Variants in ZFPM2 observed in about 807,000 individuals in gnomAD.
ZFPM2 encodes the protein zinc finger protein, FOG family member 2.
ZFPM2 carries 20 observed loss-of-function variants against 98.6 expected under a neutral mutation model. The ratio of observed to expected loss-of-function variants is 0.20; its 90% confidence interval spans 0.14 to 0.29. ZFPM2 has a LOEUF of 0.29. Ranked by LOEUF, ZFPM2 falls within the 10% of genes least tolerant of loss-of-function variation. ZFPM2 has a pLI of 1.00. For synonymous variants in ZFPM2, 518 were observed against 502.7 expected (o/e 1.03, Z -0.41); for missense variants, 1,310 against 1,388.6 (o/e 0.94, Z 0.90).
At chr8:105,345,536 G>T (rs1812507553) in intron 1 of ZFPM2, among the ~76,000 whole-genome samples, 1 of 148,732 alleles carries the variant, frequency 6.7e-6, no homozygotes, top group Admixed American at 6.9e-5. Context: ...CTACCATCAA[G>T]GGAAGTTCAT....
intron 5 of ZFPM2, among the ~76,000 whole-genome samples, chr8:105,729,385 T>A (rs186218735): frequency 1.3e-5 from 2 of 151,706 alleles, no homozygotes; most frequent in African/African-American, 2.4e-5. Context: ...GTGTGTCTTT[T>A]TTTTTGGCTT....
intron 1 of ZFPM2, among the ~76,000 whole-genome samples, chr8:105,350,297 G>T (rs1214727691): frequency 6.6e-6 from 1 of 152,108 alleles, no homozygotes; most frequent in Non-Finnish European, 1.5e-5. Flanking sequence ...GTGCAGAAAT[G>T]ATTTCCTTGG....
chr8:105,678,045 A>G (rs1290370182), intron 5 of ZFPM2, among the ~76,000 whole-genome samples: 1 of 152,036 alleles, frequency 6.6e-6, no homozygotes, highest in Non-Finnish European at 1.5e-5. Flanking sequence ...TACCTGGATT[A>G]TTTACCATTG....
chr8:105,452,830 C>T (rs907802741), intron 3 of ZFPM2, among the ~76,000 whole-genome samples: 1 of 151,982 alleles, frequency 6.6e-6, no homozygotes, highest in African/African-American at 2.4e-5. Context: ...TTATATTGGA[C>T]CAGAGATTAT....
intron 3 of ZFPM2, among the ~76,000 whole-genome samples, chr8:105,480,066 A>T (rs1813085341): frequency 6.6e-6 from 1 of 152,172 alleles, no homozygotes; most frequent in South Asian, 2.1e-4. Flanking sequence ...TGCTGTGATA[A>T]TCTTTTGAGA....
rs139105567 is a variant in ZFPM2, at chr8:105,351,354, C to CGTGTGTGTGTGTGT, written c.40+32388_40+32401dup. Among the ~76,000 whole-genome samples, 455 of 144,836 alleles carry CGTGTGTGTGTGTGT rather than the reference C, an allele frequency of 3.1e-3. 4 individuals are homozygous for CGTGTGTGTGTGTGT. The highest frequency in any genetic ancestry group is 0.011 in the African/African-American group (416 of 38,302). On this transcript the variant is annotated intron_variant, in intron 1 of 7. Transcript: ENST00000407775. ...GTTCTCTTTTATAGTTGCATTATTT[C>CGTGTGTGTGTGTGT]GTGTGTGTGTGTGTGTGTGTGTGTG...
intron 5 of ZFPM2, among the ~76,000 whole-genome samples, chr8:105,656,962 C>A (rs1817297863): frequency 6.6e-6 from 1 of 152,088 alleles, no homozygotes; most frequent in Non-Finnish European, 1.5e-5. Flanking sequence ...TGAATAAATG[C>A]ATGCTTTGGT....
At chr8:105,365,048 C>T (rs1461491101) in intron 1 of ZFPM2, among the ~76,000 whole-genome samples, 1 of 152,136 alleles carries the variant, frequency 6.6e-6, no homozygotes, top group East Asian at 1.9e-4. Flanking sequence ...TTCCTTATTA[C>T]TCACTCTGAT....
intron 1 of ZFPM2, among the ~76,000 whole-genome samples, chr8:105,374,125 C>T (rs960993169): frequency 6.6e-6 from 1 of 152,140 alleles, no homozygotes; most frequent in African/African-American, 2.4e-5. Context: ...TACTATCTCT[C>T]AATTCAGTAA....
chr8:105,335,873 A>G (rs1435906860), intron 1 of ZFPM2, among the ~76,000 whole-genome samples: 1 of 151,806 alleles, frequency 6.6e-6, no homozygotes, highest in African/African-American at 2.4e-5. Flanking sequence ...ATTCTGATCA[A>G]ATGGTGCTGC....
chr8:105,506,589 A>G (rs7016378), intron 3 of ZFPM2, among the ~76,000 whole-genome samples: 1 of 152,108 alleles, frequency 6.6e-6, no homozygotes, highest in Non-Finnish European at 1.5e-5. Flanking sequence ...AATGACATTA[A>G]ATAAAATTGC....
intron 5 of ZFPM2, among the ~76,000 whole-genome samples, chr8:105,715,396 A>C (rs1811500161): frequency 7.0e-6 from 1 of 142,418 alleles, no homozygotes; most frequent in East Asian, 2.1e-4. Flanking sequence ...ATAGAGTGAG[A>C]CCCCATCTCT....
In ZFPM2 at chr8:105,711,600, G is replaced by A. The variant is rs1229122088; in HGVS notation, c.533-77118G>A. Among the ~76,000 whole-genome samples, 6 of 151,812 alleles carry A rather than the reference G, an allele frequency of 4.0e-5. No individual in the cohort carries two copies. In the South Asian group the frequency reaches 8.3e-4, roughly 21 times the overall value. On this transcript the variant is annotated intron_variant, in intron 5 of 7. Transcript: ENST00000407775. ...TTAATTTATCCAGAAAATATTCAGA[G>A]TGCATACTATATATACCACTGTACA...
chr8:105,498,351 T>G (rs1813518037), intron 3 of ZFPM2, among the ~76,000 whole-genome samples: 1 of 152,244 alleles, frequency 6.6e-6, no homozygotes, highest in Admixed American at 6.5e-5. Context: ...GTGGAATTTC[T>G]AATTGATTCT....
chr8:105,793,753 A>G (rs1261890517), intron 6 of ZFPM2, among the ~76,000 whole-genome samples: 3 of 151,804 alleles, frequency 2.0e-5, no homozygotes, highest in Non-Finnish European at 4.4e-5. Flanking sequence ...CTTTTCACAT[A>G]GTCCCATATT....
intron 3 of ZFPM2, among the ~76,000 whole-genome samples, chr8:105,513,130 G>A (rs142654739): frequency 1.4e-3 from 207 of 152,204 alleles, no homozygotes; most frequent in Non-Finnish European, 2.2e-3. Flanking sequence ...TGGGCCCAAC[G>A]TGCAAAATAG....
At chr8:105,519,606 G>A (rs1274953699) in intron 3 of ZFPM2, among the ~76,000 whole-genome samples, 1 of 152,058 alleles carries the variant, frequency 6.6e-6, no homozygotes, top group Non-Finnish European at 1.5e-5. Flanking sequence ...TGGAGATAAT[G>A]CAGTTAATCG....
At chr8:105,734,226 C>T (rs1456173005) in intron 5 of ZFPM2, among the ~76,000 whole-genome samples, 3 of 151,864 alleles carry the variant, frequency 2.0e-5, no homozygotes, top group African/African-American at 7.2e-5. Flanking sequence ...AGAACCCCAC[C>T]AGCGATGACA....
At chr8:105,514,773 T>C (rs1813886990) in intron 3 of ZFPM2, among the ~76,000 whole-genome samples, 1 of 152,212 alleles carries the variant, frequency 6.6e-6, no homozygotes, top group African/African-American at 2.4e-5. Context: ...TTGCAATTTA[T>C]GTCTCCCTGT....
Sources: gnomAD v4.1 joint callset for allele counts (sites outside exome capture counted in the v4.1 genomes callset) on GRCh38, gnomAD v4.1.1 for gene constraint, MANE v1.5 for transcripts, NCBI Gene and HGNC (gene_info 2026-07-23, HGNC 2026-07-21) for gene names.